Variants in SIX3 observed in about 807,000 individuals in gnomAD.
The protein encoded by SIX3 is homeobox protein SIX3.
SIX3 carries 2 observed loss-of-function variants against 21.7 expected under a neutral mutation model. The ratio of observed to expected loss-of-function variants is 0.09; its 90% CI spans 0.04 to 0.29. The LOEUF is 0.29. Ranked by LOEUF, SIX3 falls within the 10% of genes least tolerant of loss-of-function variation. The probability of loss-of-function intolerance (pLI) is 1.00; values close to 1 mark genes in which losing one functional copy is unlikely to be tolerated. For synonymous variants in SIX3, 243 were observed against 220.6 expected, an observed-to-expected ratio of 1.10 and a Z score of -0.90; for missense variants, 347 against 480.7, an observed-to-expected ratio of 0.72 and a Z score of 2.60.
Position 44,944,592 on chromosome 2 carries a change from G to A in SIX3, c.831G>A (p.Pro277=), listed in dbSNP as rs370941478. 4.1e-4 allele frequency: 640 copies of A among 1,578,362 alleles called. No homozygotes were observed. Among genetic ancestry groups the A allele is most frequent in the Non-Finnish European group, 5.2e-4 (606 of 1,169,206 alleles). ...GGCTCCAGCACCAGGCCATTGGACC[G>A]AGCGGCATGCGCTCGCTGGCCGAGC... ...KNRLQHQAIG[P]SGMRSLAEPG... Residue 277 remains proline, a synonymous_variant, in exon 2 of 2, where the codon CCG becomes CCA. Transcript: ENST00000260653.
chr2:44,944,519 G>T (rs765967821), intron 1 of SIX3, 49 bp from the exon 2 acceptor site: 1 of 1,525,514 alleles, frequency 6.6e-7, no homozygotes, highest in Non-Finnish European at 8.8e-7. Flanking sequence ...GGGGGAGCCG[G>T]GTGGCGGGCC....
chr2:44,942,795 C>G lies in SIX3; in HGVS notation c.691C>G (p.Pro231Ala). The G allele has an allele frequency of 6.3e-7, 1 of 1,599,776 alleles. No individual in the cohort carries two copies. Residue 231 changes from proline to alanine, a missense_variant, in exon 1 of 2, where the codon CCC becomes GCC. By Grantham distance (27) the Pro-to-Ala change is conservative (BLOSUM62 -1). Transcript: ENST00000260653. This position sits in a 1 kb window ranked among gnomAD's most constrained non-coding sequence, Gnocchi z 8.4. Reference sequence around the variant, plus strand: ...GGAGTGGTACCTACAGGACCCCTACCCCAACCCCAGCAAGAAACGCGAACT... The same window carrying G: ...GGAGTGGTACCTACAGGACCCCTACGCCAACCCCAGCAAGAAACGCGAACT... Reference protein sequence around the residue: ...LREWYLQDPYPNPSKKRELAQ... With the variant: ...LREWYLQDPYANPSKKRELAQ...
rs950246953 is a variant in SIX3, at chr2:44,945,090, T to C, written c.*330T>C. On this transcript the variant is annotated 3_prime_UTR_variant, in exon 2 of 2. Coordinates refer to ENST00000260653, the MANE Select transcript of SIX3 (RefSeq NM_005413.4). ...GCAGAAAACATAAAAGAGGTGACAA[T>C]TGTATACTTTCTAGGACAAGCACGG... 8 of 419,332 alleles carry C rather than the reference T, an allele frequency of 1.9e-5. No individual in the cohort carries two copies. Among genetic ancestry groups the C allele is most frequent in the African/African-American group, 8.1e-5 (4 of 49,118 alleles). 26.0% of individuals were successfully genotyped at this position (419,332 alleles called of 1,614,324 possible).
rs1666578988 is a variant in SIX3 at position 44,941,950 on chromosome 2, TTCCTCCTCTCCC to T, written c.-146_-135del. 1 of 648,026 alleles carries T rather than the reference TTCCTCCTCTCCC, an allele frequency of 1.5e-6. No homozygotes were observed. The highest frequency in any genetic ancestry group is 1.8e-5 in the African/African-American group (1 of 54,752). The allele number at this position is 648,026 out of a possible 1,614,324, so 40.1% of individuals were successfully genotyped here. ...TGGGGTGTGGGTGTCCCTTACGCCC[TTCCTCCTCTCCC>T]TCCTCCTCCTGCTCCCCCCTCCTTT... On this transcript the variant is annotated 5_prime_UTR_variant, in exon 1 of 2. Coordinates refer to ENST00000260653, the MANE Select transcript of SIX3 (RefSeq NM_005413.4).
chr2:44,942,048 C>A lies in SIX3; in HGVS notation c.-57C>A. ...TGGTCCTCATCGCCCCTCTCCTCCT[C>A]TTCCTCCCCTCTCTCTTCCTCTCCC... is the stretch of plus-strand genomic sequence containing the variant. On this transcript the variant is annotated 5_prime_UTR_variant, in exon 1 of 2. Transcript: ENST00000260653. This position sits in a 1 kb window ranked among gnomAD's most constrained non-coding sequence, Gnocchi z 8.4. 1 of 1,417,676 alleles carries A rather than the reference C, an allele frequency of 7.1e-7. No homozygotes were observed. The highest frequency in any genetic ancestry group is 2.4e-5 in the East Asian group (1 of 41,292). The allele number at this position is 1,417,676 out of a possible 1,614,324, so 87.8% of individuals were successfully genotyped here.
Position 44,944,651 on chromosome 2 carries a change from C to G in SIX3, c.890C>G (p.Pro297Arg). Residue 297 changes from proline (P) to arginine (R), a missense_variant, in exon 2 of 2, where the codon CCG becomes CGG. By Grantham distance (103) the Pro-to-Arg change is moderately radical (BLOSUM62 -2). Coordinates refer to ENST00000260653, the MANE Select transcript of SIX3 (RefSeq NM_005413.4). The part of the protein sequence containing the change: ...GCPTHGSAES[P>R]STAASPTTSV... ...CCCACGCACGGCTCGGCAGAGTCGC[C>G]GTCCACGGCGGCCAGCCCGACCACC... is the stretch of plus-strand genomic sequence containing the variant. The G allele has an allele frequency of 1.3e-6, 2 of 1,575,438 alleles. No homozygotes were observed. The highest frequency in any genetic ancestry group is 1.7e-6 in the Non-Finnish European group (2 of 1,168,518).
chr2:44,942,070 T>G lies in SIX3; in HGVS notation c.-35T>G. 1 of 1,524,910 alleles carries G rather than the reference T, an allele frequency of 6.6e-7. No individual in the cohort carries two copies. Among genetic ancestry groups the G allele is most frequent in the Admixed American group, 1.7e-5 (1 of 58,942 alleles). 94.5% of individuals were successfully genotyped at this position (1,524,910 alleles called of 1,614,324 possible). A position where few individuals can be genotyped will look rare whatever the true frequency, so the allele number is the denominator to read the frequency against. On this transcript the variant is annotated 5_prime_UTR_variant, in exon 1 of 2. Transcript: ENST00000260653. This position sits in a 1 kb window ranked among gnomAD's most constrained non-coding sequence, Gnocchi z 8.4. ...CCTCTTCCTCCCCTCTCTCTTCCTC[T>G]CCCTGAATTTTCTCCTCTCCTCTCA...
At position 44,941,830 on chromosome 2, in the gene SIX3, C is replaced by G. The variant is rs956719831; in HGVS notation, c.-275C>G. 2.5e-6 allele frequency: 1 copy of G among 394,352 alleles called. No homozygotes were observed. The highest frequency in any genetic ancestry group is 2.1e-5 in the African/African-American group (1 of 48,538). The allele number at this position is 394,352 out of a possible 1,614,324, so 24.4% of individuals were successfully genotyped here. A position where few individuals can be genotyped will look rare whatever the true frequency, so the allele number is the denominator to read the frequency against. ...CCTCTCTCCCTCTCCCTCTCCCTCTCTGTCTCGGGTTCTCTCTCTGCGCGC... is the reference window on the plus strand; with the variant it reads ...CCTCTCTCCCTCTCCCTCTCCCTCTGTGTCTCGGGTTCTCTCTCTGCGCGC... On this transcript the variant is annotated 5_prime_UTR_variant, in exon 1 of 2. Transcript: ENST00000260653.
rs757487016 is a variant in SIX3, at chr2:44,942,318, G to C, written c.214G>C (p.Ala72Pro). The change falls in exon 1 of 2, where the codon GCC (alanine) becomes CCC (proline). Residue 72 changes from alanine to proline, a missense_variant. By Grantham distance (27) the Ala-to-Pro change is conservative. Transcript: ENST00000260653. This position sits in a 1 kb window ranked among gnomAD's most constrained non-coding sequence, Gnocchi z 8.4. ...AGGGGGGGSRAPPEELSMFQL... is the reference protein window; with the variant it reads ...AGGGGGGGSRPPPEELSMFQL... ...CGGCGGCGGCGGCGGCGGCTCCAGGGCCCCCCCGGAAGAGTTGTCCATGTT... is the reference window on the plus strand; with the variant it reads ...CGGCGGCGGCGGCGGCGGCTCCAGGCCCCCCCCGGAAGAGTTGTCCATGTT... 1.2e-5 allele frequency: 19 copies of C among 1,589,672 alleles called. No homozygotes were observed. The highest frequency in any genetic ancestry group is 2.2e-5 in the East Asian group (1 of 44,478).
At chr2:44,943,193 G>A (rs960637039) in intron 1 of SIX3, among the ~76,000 whole-genome samples, 1 of 152,240 alleles carries the variant, frequency 6.6e-6, no homozygotes, top group African/African-American at 2.4e-5. Context: ...CGCTGCACCC[G>A]TGCCTGCCTC....
chr2:44,944,758 T>C lies in SIX3; in HGVS notation c.997T>C (p.Ter333ArgextTer1). The part of the protein sequence containing the change: ...VTSSDSECDV[*>R] ...CTCCAGCGACTCGGAATGTGATGTA[T>C]GATAGCCAAGGCCGCCCTCCTCCCT... The change falls in exon 2 of 2, where the codon TGA becomes CGA. Residue 333 changes from the stop codon to arginine, a stop_lost. Transcript: ENST00000260653. The C allele has an allele frequency of 2.5e-6, 4 of 1,582,938 alleles. No individual in the cohort carries two copies. The highest frequency in any genetic ancestry group is 3.4e-6 in the Non-Finnish European group (4 of 1,171,958).
intron 1 of SIX3, among the ~76,000 whole-genome samples, chr2:44,943,214 C>T (rs1021158609): frequency 6.6e-6 from 1 of 152,258 alleles, no homozygotes. Context: ...CTCAGCCCTG[C>T]CGCCAGCTCG....
Position 44,942,923 on chromosome 2 carries a change from G to T in SIX3, c.806+13G>T. 6.3e-7 allele frequency: 1 copy of T among 1,594,798 alleles called. No individual in the cohort carries two copies. The highest frequency in any genetic ancestry group is 2.2e-5 in the East Asian group (1 of 44,712). On this transcript the variant is annotated intron_variant, in intron 1 of 1. Coordinates refer to ENST00000260653, the MANE Select transcript of SIX3 (RefSeq NM_005413.4). This position sits in a 1 kb window ranked among gnomAD's most constrained non-coding sequence, Gnocchi z 8.4. ...CGGCCAAGAACAGGTTAGTGGCGGG[G>T]CCCGCGGCCTGGCTACAGCCTCAGA...
At position 44,944,907 on chromosome 2, in the gene SIX3, A is replaced by AC. The variant is rs1364115960; in HGVS notation, c.*148dup. On this transcript the variant is annotated 3_prime_UTR_variant, in exon 2 of 2. Coordinates refer to ENST00000260653, the MANE Select transcript of SIX3 (RefSeq NM_005413.4). ...TCAGGATACCCAACCATACACACAT[A>AC]CAAGTCCACACACACTCCCACCCCA... 1.4e-6 allele frequency: 1 copy of AC among 723,384 alleles called. No individual in the cohort carries two copies. Among genetic ancestry groups the AC allele is most frequent in the Non-Finnish European group, 2.4e-6 (1 of 412,162 alleles). 44.8% of individuals were successfully genotyped at this position (723,384 alleles called of 1,614,324 possible). A position where few individuals can be genotyped will look rare whatever the true frequency, so the allele number is the denominator to read the frequency against.
Position 44,942,663 on chromosome 2 carries a change from C to G in SIX3, c.559C>G (p.Pro187Ala), listed in dbSNP as rs761021058. ...AEKLRGRPLG[P>A]VDKYRVRKKF... ...GAAGCTGCGCGGCCGCCCACTCGGCCCGGTGGACAAGTACCGCGTGCGCAA... is the reference window on the plus strand; with the variant it reads ...GAAGCTGCGCGGCCGCCCACTCGGCGCGGTGGACAAGTACCGCGTGCGCAA... Residue 187 changes from proline to alanine, a missense_variant, in exon 1 of 2, where the codon CCG (proline) becomes GCG (alanine). This residue lies in a region of SIX3 where 117 missense variants were observed against 205.9 expected (regional missense o/e 0.57). Transcript: ENST00000260653. The surrounding 1 kb of genome is among the most constrained non-coding windows in gnomAD (Gnocchi z 8.4). The G allele has an allele frequency of 1.3e-6, 2 of 1,599,502 alleles. No homozygotes were observed. The highest frequency in any genetic ancestry group is 4.5e-5 in the East Asian group (2 of 44,788).
rs387906868 is a variant in SIX3 at position 44,942,603 on chromosome 2, G to T, written c.499G>T (p.Ala167Ser). The T allele has an allele frequency of 1.1e-5, 18 of 1,598,012 alleles. No individual in the cohort carries two copies. The highest frequency in any genetic ancestry group is 1.5e-5 in the Non-Finnish European group (18 of 1,179,448). The change falls in exon 1 of 2, where the codon GCC becomes TCC. Residue 167 changes from alanine to serine, a missense_variant. By Grantham distance (99) the Ala-to-Ser change is moderately conservative. Around this residue, in one of 4 missense-constraint regions of SIX3, gnomAD observed 117 missense variants for 205.9 expected, o/e 0.57. Coordinates refer to ENST00000260653, the MANE Select transcript of SIX3 (RefSeq NM_005413.4). The surrounding 1 kb of genome is among the most constrained non-coding windows in gnomAD (Gnocchi z 8.4). The part of the protein sequence containing the change: ...FTKESHGKLQ[A>S]MWLEAHYQEA... ...CAAGGAGTCTCACGGCAAGCTGCAG[G>T]CCATGTGGCTCGAGGCGCACTACCA...
chr2:44,944,427 G>A, intron 1 of SIX3, 141 bp from the exon 2 acceptor site: 2 of 969,618 alleles, frequency 2.1e-6, no homozygotes, highest in South Asian at 1.4e-5. Flanking sequence ...GGCCGGGCTC[G>A]GGTTCTGCCT....
intron 1 of SIX3, 55 bp from the exon 2 acceptor site, chr2:44,944,513 G>A: frequency 6.6e-7 from 1 of 1,516,962 alleles, no homozygotes; most frequent in South Asian, 1.2e-5. Context: ...CGGCGCGGGG[G>A]AGCCGGGTGG....
Position 44,945,336 on chromosome 2 carries a change from A to G in SIX3, c.*576A>G, listed in dbSNP as rs36076188. ...AAAAAAAAAAAAAAAAAAAAAAAAA[A>G]GGACAGGGGGAAAAAAAAAAAAAAA... On this transcript the variant is annotated 3_prime_UTR_variant, in exon 2 of 2. Coordinates refer to ENST00000260653, the MANE Select transcript of SIX3 (RefSeq NM_005413.4). 6 of 121,984 alleles carry G rather than the reference A, an allele frequency of 4.9e-5. No individual in the cohort carries two copies. The East Asian group carries it at 1.5e-3, about 31-fold the overall frequency. The allele number at this position is 121,984 out of a possible 1,614,324, so 7.6% of individuals were successfully genotyped here.
Sources: allele counts gnomAD v4.1 joint callset (sites outside exome capture counted in the v4.1 genomes callset), GRCh38; gene constraint gnomAD v4.1.1; regional missense constraint gnomAD v4.1.1; non-coding constraint Gnocchi (gnomAD v3.1); transcripts MANE v1.5; gene names NCBI Gene and HGNC (gene_info 2026-07-23, HGNC 2026-07-21).